Variants in CAMTA1 observed in about 807,000 individuals in gnomAD.
CAMTA1 encodes the protein calmodulin-binding transcription activator 1.
A neutral mutation model predicts 170.9 loss-of-function variants in CAMTA1; 27 were observed. The observed-to-expected ratio is 0.16, with a 90% CI of 0.12 to 0.22. The LOEUF (loss-of-function observed/expected upper bound fraction) is 0.22, where lower values mean the gene tolerates loss of function less well. CAMTA1 is among the 10% of genes least tolerant of loss of function. CAMTA1 has a pLI of 1.00. For missense variants in CAMTA1, 1,619 were observed against 2,217.2 expected, an observed-to-expected ratio of 0.73 and a Z score of 5.42; for synonymous variants, 833 against 891.5, an observed-to-expected ratio of 0.93 and a Z score of 1.17.
chr1:6,995,253 A>C (rs1697019181), intron 3 of CAMTA1, among the ~76,000 whole-genome samples: 1 of 141,822 alleles, frequency 7.1e-6, no homozygotes, highest in Non-Finnish European at 1.5e-5. Flanking sequence ...AACTCACTTG[A>C]GCACATTTAC....
Position 7,188,728 on chromosome 1 carries a change from G to C in CAMTA1, c.303-60763G>C, listed in dbSNP as rs141543023. Among the ~76,000 whole-genome samples the C allele has an allele frequency of 1.5e-3, 226 of 152,248 alleles. 1 individual carries two copies. Among genetic ancestry groups the C allele is most frequent in the African/African-American group, 5.1e-3 (211 of 41,542 alleles). On this transcript the variant is annotated intron_variant, in intron 4 of 22. Coordinates refer to ENST00000303635, the MANE Select transcript of CAMTA1 (RefSeq NM_015215.4). ...TCATCTGTCAATGGAAATCTGAGTT[G>C]TTCTCTACCTTTTGGCTATGTGAAC...
At chr1:6,860,592 A>AGTATTGCTC (rs1227841253) in intron 3 of CAMTA1, among the ~76,000 whole-genome samples, 1 of 152,132 alleles carries the variant, frequency 6.6e-6, no homozygotes, top group African/African-American at 2.4e-5. Flanking sequence ...TAAAGAGGAA[A>AGTATTGCTC]GTATTGCTCC....
chr1:7,325,287 T>C lies in CAMTA1; in HGVS notation c.438+75661T>C, dbSNP rs1480670756. ...AGGGGTCATGACTGGGAGAAAAAGG[T>C]AGAACAAGATAGGGAGGCTGGGAAT... On this transcript the variant is annotated intron_variant, in intron 5 of 22. Coordinates refer to ENST00000303635, the MANE Select transcript of CAMTA1 (RefSeq NM_015215.4). The surrounding 1 kb of genome is among the most constrained non-coding windows in gnomAD (Gnocchi z 5.0). Among the ~76,000 whole-genome samples, 10 of 151,884 alleles carry C rather than the reference T, an allele frequency of 6.6e-5. No homozygotes were observed. The highest frequency in any genetic ancestry group is 6.6e-4 in the Admixed American group (10 of 15,262).
chr1:7,499,458 G>T (rs1175632973), intron 6 of CAMTA1, among the ~76,000 whole-genome samples: 2 of 141,048 alleles, frequency 1.4e-5, no homozygotes, highest in East Asian at 4.9e-4. Context: ...ATGAGTGTGT[G>T]TGTGTGCATG....
At chr1:7,068,039 G>A (rs575779539) in intron 3 of CAMTA1, among the ~76,000 whole-genome samples, 2 of 152,318 alleles carry the variant, frequency 1.3e-5, no homozygotes, top group South Asian at 4.1e-4. Flanking sequence ...TGGTTGAGCC[G>A]AGAGAAGGAA....
chr1:7,478,335 C>T (rs1236279468), intron 6 of CAMTA1, among the ~76,000 whole-genome samples: 2 of 152,220 alleles, frequency 1.3e-5, no homozygotes, highest in Non-Finnish European at 1.5e-5. Flanking sequence ...TGGTGTCTGG[C>T]TGAGTGAGAT....
At chr1:7,137,513 C>T (rs929370091) in intron 4 of CAMTA1, among the ~76,000 whole-genome samples, 2 of 152,150 alleles carry the variant, frequency 1.3e-5, no homozygotes, top group South Asian at 2.1e-4. Context: ...TACGATCCCC[C>T]GCTCCAGGCC....
intron 6 of CAMTA1, among the ~76,000 whole-genome samples, chr1:7,552,233 C>T (rs901454198): frequency 2.6e-5 from 4 of 152,192 alleles, no homozygotes; most frequent in Non-Finnish European, 4.4e-5. Context: ...GGCAAGGGAA[C>T]GATGCTTCTG....
At chr1:7,407,393 G>A (rs963299102) in intron 5 of CAMTA1, among the ~76,000 whole-genome samples, 32 of 152,320 alleles carry the variant, frequency 2.1e-4, no homozygotes, top group Admixed American at 1.8e-3. Flanking sequence ...TGTGTGACTG[G>A]AGGGTCTGGG....
chr1:7,643,373 A>C (rs1329782112), intron 7 of CAMTA1, among the ~76,000 whole-genome samples: 2 of 152,234 alleles, frequency 1.3e-5, no homozygotes, highest in African/African-American at 4.8e-5. Context: ...GAGATTAGCC[A>C]AGGAGGTTCT....
chr1:7,114,356 G>A (rs1644238106), intron 4 of CAMTA1, among the ~76,000 whole-genome samples: 1 of 151,580 alleles, frequency 6.6e-6, no homozygotes, highest in South Asian at 2.1e-4. Context: ...GACCACGGGT[G>A]TCCAATCTTT....
At chr1:7,725,335 A>G (rs2096677453) in intron 11 of CAMTA1, among the ~76,000 whole-genome samples, 2 of 152,250 alleles carry the variant, frequency 1.3e-5, no homozygotes. Flanking sequence ...GGACAAAGTA[A>G]TAAAGAGGTC....
intron 5 of CAMTA1, among the ~76,000 whole-genome samples, chr1:7,310,678 TTCTCTCTCTC>T (rs70984069): frequency 1.7e-4 from 6 of 34,610 alleles, no homozygotes; most frequent in Non-Finnish European, 2.5e-4. Context: ...TTTCCTTTCT[TTCTCTCTCTC>T]TCTCTCTCTC....
chr1:7,324,368 G>T (rs989335770), intron 5 of CAMTA1, among the ~76,000 whole-genome samples: 4 of 151,316 alleles, frequency 2.6e-5, no homozygotes, highest in East Asian at 1.9e-4. Flanking sequence ...ACTATTCCAG[G>T]TTTAAATAGC....
rs375717007 is a variant in CAMTA1 at position 7,104,202 on chromosome 1, A to G, written c.302+12831A>G. 6.6e-5 allele frequency among the ~76,000 whole-genome samples: 10 copies of G among 151,800 alleles called. No individual in the cohort carries two copies. The East Asian group carries it at 1.4e-3, about 21-fold the overall frequency. ...TACACACAACACACATGCACACACA[A>G]CTACACACATGTACACACAACACAA... is the stretch of plus-strand genomic sequence containing the variant. On this transcript the variant is annotated intron_variant, in intron 4 of 22. Coordinates refer to ENST00000303635, the MANE Select transcript of CAMTA1 (RefSeq NM_015215.4).
At chr1:7,613,795 G>A (rs1402184954) in intron 6 of CAMTA1, among the ~76,000 whole-genome samples, 2 of 150,068 alleles carry the variant, frequency 1.3e-5, no homozygotes, top group African/African-American at 2.5e-5. Flanking sequence ...TGGGAGCAGA[G>A]CGATGGGTAT....
chr1:7,754,606 T>G (rs2096918961), intron 21 of CAMTA1, among the ~76,000 whole-genome samples: 1 of 152,190 alleles, frequency 6.6e-6, no homozygotes, highest in South Asian at 2.1e-4. Context: ...TAGAGGAAAA[T>G]TTCATGAAGA....
chr1:6,976,763 T>C (rs973405803), intron 3 of CAMTA1, among the ~76,000 whole-genome samples: 15 of 152,258 alleles, frequency 9.9e-5, no homozygotes, highest in African/African-American at 3.4e-4. Context: ...CAGGGTGATA[T>C]GGTTTCGCTG....
At chr1:7,276,303 A>ATTTTT (rs1180773965) in intron 5 of CAMTA1, among the ~76,000 whole-genome samples, 12 of 24,224 alleles carry the variant, frequency 5.0e-4, no homozygotes, top group African/African-American at 1.5e-3. Flanking sequence ...ATATATATAT[A>ATTTTT]TTTTTTTTTT....
Sources: gnomAD v4.1 joint callset for allele counts (sites outside exome capture counted in the v4.1 genomes callset) on GRCh38, gnomAD v4.1.1 for gene constraint, Gnocchi (gnomAD v3.1) non-coding constraint, MANE v1.5 for transcripts, NCBI Gene and HGNC (gene_info 2026-07-23, HGNC 2026-07-21) for gene names.